The following STK32B variants were observed in gnomAD, a reference collection of about 807,000 sequenced individuals.
STK32B encodes serine/threonine-protein kinase 32B.
Under a neutral mutation model 52.6 loss-of-function variants are expected in STK32B, and 43 were observed. The observed-to-expected ratio is 0.82, with a 90% CI of 0.64 to 1.05. STK32B has a LOEUF of 1.05. Among genes scored for constraint, STK32B ranks in the 50% least tolerant of loss-of-function variants. The pLI, the probability that STK32B is intolerant of heterozygous loss-of-function variation, is 0.00. For missense variants in STK32B, 621 were observed against 534.6 expected (o/e 1.16, Z -1.59); for synonymous variants, 238 against 204.3 (o/e 1.17, Z -1.41).
rs1190770952 is a variant in STK32B at position 5,458,357 on chromosome 4, T to C, written c.783+1434T>C. ...ATGATGACAATAGCAGCCAGCACTG[T>C]TTAGGGTCCTGCGTTCTGGGCCATA... On this transcript the variant is annotated intron_variant, in intron 8 of 11. Transcript: ENST00000282908. 2.6e-5 allele frequency among the ~76,000 whole-genome samples: 4 copies of C among 152,124 alleles called. No homozygotes were observed. The South Asian group carries it at 6.2e-4, about 24-fold the overall frequency.
chr4:5,285,148 T>C (rs754437554), intron 3 of STK32B, among the ~76,000 whole-genome samples: 3 of 152,190 alleles, frequency 2.0e-5, no homozygotes, highest in Non-Finnish European at 4.4e-5. Context: ...CAGTACATAA[T>C]ACATATTACA....
intron 8 of STK32B, among the ~76,000 whole-genome samples, chr4:5,458,009 A>G (rs1716714284): frequency 6.6e-6 from 1 of 152,184 alleles, no homozygotes; most frequent in Non-Finnish European, 1.5e-5. Flanking sequence ...GACTTTCTGC[A>G]GGAACTGTTG....
At chr4:5,285,721 T>C (rs1380504211) in intron 3 of STK32B, among the ~76,000 whole-genome samples, 1 of 152,116 alleles carries the variant, frequency 6.6e-6, no homozygotes, top group Non-Finnish European at 1.5e-5. Flanking sequence ...CCCTTATTAG[T>C]AGATAGATCA....
rs115032372 is a variant in STK32B at position 5,478,230 on chromosome 4, A to G, written c.1106+10160A>G. Among the ~76,000 whole-genome samples, 590 of 152,316 alleles carry G rather than the reference A, an allele frequency of 3.9e-3. 1 individual carries two copies. Among genetic ancestry groups the G allele is most frequent in the Non-Finnish European group, 5.3e-3 (361 of 68,030 alleles). Reference sequence around the variant, plus strand: ...ATGAGAAGTTGTGGAATGAAGAGACAACAAATAGGGAAAATCAATCCCCCA... The same window carrying G: ...ATGAGAAGTTGTGGAATGAAGAGACGACAAATAGGGAAAATCAATCCCCCA... On this transcript the variant is annotated intron_variant, in intron 11 of 11. Transcript: ENST00000282908.
intron 3 of STK32B, among the ~76,000 whole-genome samples, chr4:5,302,711 A>G (rs1729644352): frequency 6.6e-6 from 1 of 152,084 alleles, no homozygotes; most frequent in Non-Finnish European, 1.5e-5. Context: ...TCACCTGAGC[A>G]GTGTACACTG....
intron 4 of STK32B, among the ~76,000 whole-genome samples, chr4:5,334,764 T>C (rs1732520717): frequency 6.6e-6 from 1 of 151,892 alleles, no homozygotes; most frequent in Non-Finnish European, 1.5e-5. Flanking sequence ...GTTCTGTTTA[T>C]ATGCTGGATT....
In STK32B at chr4:5,058,019, A is replaced by G. The variant is rs1742073227; in HGVS notation, c.52+6104A>G. Among the ~76,000 whole-genome samples, 1 of 152,186 alleles carries G rather than the reference A, an allele frequency of 6.6e-6. No individual in the cohort carries two copies. Among genetic ancestry groups the G allele is most frequent in the Non-Finnish European group, 1.5e-5 (1 of 68,030 alleles). ...TTCCCTTAGCTAGAGCCAACCAAGG[A>G]AAAGATGGATGTCAACGTTGTTAGC... On this transcript the variant is annotated intron_variant, in intron 1 of 11. Transcript: ENST00000282908. This position sits in a 1 kb window ranked among gnomAD's most constrained non-coding sequence, Gnocchi z 4.8.
chr4:5,392,425 C>T (rs538481469), intron 4 of STK32B, among the ~76,000 whole-genome samples: 13 of 152,112 alleles, frequency 8.5e-5, no homozygotes, highest in South Asian at 2.1e-4. Flanking sequence ...GACTCCATCT[C>T]AAAAAATAAT....
chr4:5,154,927 C>G (rs757467290), intron 2 of STK32B, among the ~76,000 whole-genome samples: 1 of 152,216 alleles, frequency 6.6e-6, no homozygotes, highest in South Asian at 2.1e-4. Context: ...TTGCTGCCTC[C>G]CTCCCACTCG....
At chr4:5,261,326 C>G (rs990090641) in intron 3 of STK32B, among the ~76,000 whole-genome samples, 1 of 152,176 alleles carries the variant, frequency 6.6e-6, no homozygotes, top group Non-Finnish European at 1.5e-5. Flanking sequence ...ATTAGAAAGA[C>G]TTGCTGTGTG....
intron 3 of STK32B, among the ~76,000 whole-genome samples, chr4:5,221,697 A>T (rs1216767422): frequency 2.0e-5 from 3 of 152,032 alleles, no homozygotes; most frequent in African/African-American, 7.3e-5. Flanking sequence ...CTCTACTAAA[A>T]ATACAAAAAT....
Position 5,316,706 on chromosome 4 carries a change from T to TG in STK32B, c.261-14514_261-14513insG, listed in dbSNP as rs1553871021. Among the ~76,000 whole-genome samples the TG allele has an allele frequency of 4.2e-3, 36 of 8,596 alleles. 6 individuals are homozygous for TG. The African/African-American group carries it at 0.042, about 10-fold the overall frequency. The allele number at this position is 8,596 out of a possible 152,430, so 5.6% of individuals were successfully genotyped here. A position where few individuals can be genotyped will look rare whatever the true frequency, so the allele number is the denominator to read the frequency against. On this transcript the variant is annotated intron_variant, in intron 3 of 11. Transcript: ENST00000282908. The stretch of plus-strand genomic sequence containing the variant: ...TAATATAATATATATCATATTATAA[T>TG]ATATAATATAATAATATATTATATA...
chr4:5,223,131 G>C (rs943152168), intron 3 of STK32B, among the ~76,000 whole-genome samples: 3 of 152,198 alleles, frequency 2.0e-5, no homozygotes, highest in African/African-American at 7.2e-5. Flanking sequence ...GTGCAGCTTG[G>C]ACTGCTTCCC....
At chr4:5,276,821 T>G (rs1373063618) in intron 3 of STK32B, among the ~76,000 whole-genome samples, 2 of 152,060 alleles carry the variant, frequency 1.3e-5, no homozygotes, top group East Asian at 3.9e-4. Context: ...AGTTTCCGCT[T>G]CTTCTCTGTC....
At position 5,174,868 on chromosome 4, in the gene STK32B, G is replaced by T. The variant is rs1719707156; in HGVS notation, c.260+6418G>T. Among the ~76,000 whole-genome samples, 6 of 152,188 alleles carry T rather than the reference G, an allele frequency of 3.9e-5. No homozygotes were observed. In the South Asian group the frequency reaches 1.0e-3, roughly 26 times the overall value. On this transcript the variant is annotated intron_variant, in intron 3 of 11. Transcript: ENST00000282908. ...TGGCCTGCCTTGCTAGATTGGGGAA[G>T]TTCTCCTGGATAATATCCTGCAGAG...
intron 1 of STK32B, among the ~76,000 whole-genome samples, chr4:5,083,992 C>T (rs1036034233): frequency 3.9e-5 from 6 of 152,204 alleles, no homozygotes; most frequent in Admixed American, 3.3e-4. Flanking sequence ...TGGCCTCAGC[C>T]TTGCAATGTG....
chr4:5,143,695 C>T (rs774494651), intron 2 of STK32B, among the ~76,000 whole-genome samples: 1 of 152,138 alleles, frequency 6.6e-6, no homozygotes, highest in Non-Finnish European at 1.5e-5. Context: ...GTTCTCTCTG[C>T]CTGGCACTCA....
intron 11 of STK32B, among the ~76,000 whole-genome samples, chr4:5,471,684 C>T (rs189688354): frequency 7.9e-5 from 12 of 152,114 alleles, no homozygotes; most frequent in African/African-American, 2.9e-4. Context: ...TGGGGACCAG[C>T]GTTTTAATAT....
rs551883687 is a variant in STK32B at position 5,196,945 on chromosome 4, T to TGC, written c.260+28496_260+28497dup. ...AGGGTGGGTGCCATGGCAGATATGA[T>TGC]GCCCCGTCCTCTCCTTTCAAATCTC... is the stretch of plus-strand genomic sequence containing the variant. On this transcript the variant is annotated intron_variant, in intron 3 of 11. Transcript: ENST00000282908. 3.5e-3 allele frequency among the ~76,000 whole-genome samples: 534 copies of TGC among 152,122 alleles called. 4 individuals carry two copies. Among genetic ancestry groups the TGC allele is most frequent in the African/African-American group, 0.011 (475 of 41,510 alleles).
Sources: gnomAD v4.1 joint callset for allele counts (sites outside exome capture counted in the v4.1 genomes callset) on GRCh38, gnomAD v4.1.1 for gene constraint, Gnocchi (gnomAD v3.1) non-coding constraint, MANE v1.5 for transcripts, NCBI Gene and HGNC (gene_info 2026-07-23, HGNC 2026-07-21) for gene names.